Variants in LY96 observed in about 807,000 individuals in gnomAD.
LY96 encodes myeloid differentiation protein-2.
Under a neutral mutation model 18.9 loss-of-function variants are expected in LY96, and 18 were observed. That is an observed-to-expected ratio of 0.95 (90% CI 0.66 to 1.41). The LOEUF is 1.41. Ranked by LOEUF, LY96 falls within the 40% of genes most tolerant of loss-of-function variation. The pLI is 0.00. For synonymous variants in LY96, 66 were observed against 62.6 expected (o/e 1.06, Z -0.26); for missense variants, 175 against 182.4 (o/e 0.96, Z 0.23).
intron 3 of LY96, among the ~76,000 whole-genome samples, chr8:74,021,300 G>A (rs1380136312): frequency 6.6e-6 from 1 of 152,194 alleles, no homozygotes; most frequent in African/African-American, 2.4e-5. Flanking sequence ...CATTTATGCA[G>A]CCAAGAGACA....
the LY96 span, among the ~76,000 whole-genome samples, chr8:74,084,713 A>C: frequency 2.6e-5 from 4 of 152,088 alleles, no homozygotes; most frequent in South Asian, 8.3e-4. Context: ...TCCCAGATTC[A>C]AGCGATTCTC....
the LY96 span, among the ~76,000 whole-genome samples, chr8:74,096,953 C>A: frequency 1.2e-4 from 18 of 152,186 alleles, no homozygotes; most frequent in Non-Finnish European, 2.4e-4. Flanking sequence ...AGAGAGCAGA[C>A]CTTTCCTGCT....
the LY96 span, among the ~76,000 whole-genome samples, chr8:74,052,140 G>A: frequency 6.6e-6 from 1 of 151,532 alleles, no homozygotes; most frequent in Non-Finnish European, 1.5e-5. Context: ...AGGGAAGGAG[G>A]TTTTTGTGGA....
chr8:74,003,379 G>A (rs1026507559), intron 1 of LY96, among the ~76,000 whole-genome samples: 1 of 152,218 alleles, frequency 6.6e-6, no homozygotes, highest in East Asian at 1.9e-4. Context: ...ACAAAAGCAA[G>A]GATATAGAGG....
chr8:74,096,028 C>G, the LY96 span, among the ~76,000 whole-genome samples: 3 of 152,224 alleles, frequency 2.0e-5, no homozygotes, highest in Non-Finnish European at 2.9e-5. Context: ...AGTGCCCGAG[C>G]CAATTGCCTT....
chr8:74,031,273 T>G (rs1463670522), downstream of LY96, among the ~76,000 whole-genome samples: 1 of 152,170 alleles, frequency 6.6e-6, no homozygotes, highest in Non-Finnish European at 1.5e-5. Context: ...TTCTGCCTAT[T>G]AAAACTCTGC....
chr8:74,054,658 T>C, the LY96 span, among the ~76,000 whole-genome samples: 1 of 141,972 alleles, frequency 7.0e-6, no homozygotes. Flanking sequence ...CTTTCTTTCT[T>C]TCTTTCTTTC....
the LY96 span, among the ~76,000 whole-genome samples, chr8:74,066,549 G>C: frequency 1.5e-4 from 23 of 152,072 alleles, no homozygotes; most frequent in Admixed American, 1.4e-3. Flanking sequence ...GTGGGGGATG[G>C]GTGTGGAGAA....
downstream of LY96, among the ~76,000 whole-genome samples, chr8:74,031,360 G>T (rs1372602801): frequency 2.0e-5 from 3 of 152,198 alleles, no homozygotes; most frequent in African/African-American, 7.2e-5. Flanking sequence ...GGGTGTGGTG[G>T]CTCACGCCTG....
chr8:73,997,821 C>A (rs998470057), intron 1 of LY96, among the ~76,000 whole-genome samples: 1 of 152,122 alleles, frequency 6.6e-6, no homozygotes, highest in Non-Finnish European at 1.5e-5. Context: ...AGGATACAGA[C>A]GAATAGCCAG....
At chr8:74,050,538 ACT>A in the LY96 span, among the ~76,000 whole-genome samples, 1 of 152,046 alleles carries the variant, frequency 6.6e-6, no homozygotes, top group Non-Finnish European at 1.5e-5. Flanking sequence ...TAATATGGAC[ACT>A]CTTAATGAAG....
intron 3 of LY96, among the ~76,000 whole-genome samples, chr8:74,026,455 A>G (rs1212902692): frequency 1.3e-5 from 2 of 152,234 alleles, no homozygotes; most frequent in Admixed American, 6.5e-5. Context: ...GTGCATCAAT[A>G]TCTCTGAAAA....
At chr8:73,992,753 T>C (rs1438151148) in intron 1 of LY96, among the ~76,000 whole-genome samples, 2 of 152,074 alleles carry the variant, frequency 1.3e-5, no homozygotes, top group Non-Finnish European at 2.9e-5. Flanking sequence ...TGCATTCCCC[T>C]CTTCCAGCAA....
chr8:74,081,039 T>TTTCTTTCTTTC, the LY96 span, among the ~76,000 whole-genome samples: 6 of 119,868 alleles, frequency 5.0e-5, no homozygotes, highest in Non-Finnish European at 8.3e-5. Context: ...TCTTTCTTTC[T>TTTCTTTCTTTC]TTCTTTCTTT....
At chr8:74,067,338 A>C in the LY96 span, among the ~76,000 whole-genome samples, 15,655 of 152,134 alleles carry the variant, frequency 0.1, 1,367 homozygotes, top group African/African-American at 0.24. Flanking sequence ...CTCAAGTGAT[A>C]CTTCCATCAG....
At chr8:74,086,777 T>C in the LY96 span, among the ~76,000 whole-genome samples, 1 of 152,176 alleles carries the variant, frequency 6.6e-6, no homozygotes, top group Non-Finnish European at 1.5e-5. Context: ...TTAGTGCCCT[T>C]ATAAAAGAGG....
chr8:74,080,747 G>A, the LY96 span, among the ~76,000 whole-genome samples: 2 of 152,172 alleles, frequency 1.3e-5, no homozygotes, highest in Non-Finnish European at 1.5e-5. Context: ...CCCAGCAGGC[G>A]GTACAGAGGC....
chr8:74,079,420 A>G, the LY96 span: 1 of 152,196 alleles, frequency 6.6e-6, no homozygotes, highest in East Asian at 1.9e-4. Flanking sequence ...ATCTTCAGGT[A>G]ATGCCCTTTG....
the LY96 span, among the ~76,000 whole-genome samples, chr8:74,097,412 T>C: frequency 1.3e-5 from 2 of 152,128 alleles, no homozygotes; most frequent in African/African-American, 4.8e-5. Context: ...GAAGAGTTGA[T>C]ATTTATAAAG....
Sources: allele counts gnomAD v4.1 joint callset (sites outside exome capture counted in the v4.1 genomes callset), GRCh38; gene constraint gnomAD v4.1.1; transcripts MANE v1.5; gene names NCBI Gene and HGNC (gene_info 2026-07-23, HGNC 2026-07-21).